The following RBFOX1 variants were observed in gnomAD, a reference collection of about 807,000 sequenced individuals.
The protein encoded by RBFOX1 is RNA binding protein fox-1 homolog 1.
Under a neutral mutation model 57.7 loss-of-function variants are expected in RBFOX1, and 8 were observed. That is an observed-to-expected ratio of 0.14 (90% CI 0.08 to 0.25). The LOEUF (loss-of-function observed/expected upper bound fraction) is 0.25. Among genes scored for constraint, RBFOX1 ranks in the 10% least tolerant of loss-of-function variants. The pLI, the probability that RBFOX1 is intolerant of heterozygous loss-of-function variation, is 1.00. For missense variants in RBFOX1, 611 were observed against 548.5 expected, an observed-to-expected ratio of 1.11 and a Z score of -1.14; for synonymous variants, 326 against 222.4, an observed-to-expected ratio of 1.47 and a Z score of -4.15.
At chr16:7,385,874 C>T (rs2097866450) in intron 4 of RBFOX1, among the ~76,000 whole-genome samples, 1 of 152,000 alleles carries the variant, frequency 6.6e-6, no homozygotes, top group South Asian at 2.1e-4. Flanking sequence ...CTGCTTCAGC[C>T]TCTGAGTAGG....
intron 3 of RBFOX1, among the ~76,000 whole-genome samples, chr16:5,747,959 G>A (rs964678149): frequency 6.6e-6 from 1 of 152,006 alleles, no homozygotes; most frequent in Non-Finnish European, 1.5e-5. Context: ...TCTTTTAATT[G>A]TGATGTTAGG....
chr16:7,457,770 G>A (rs2109443), intron 4 of RBFOX1, among the ~76,000 whole-genome samples: 49,222 of 151,562 alleles, frequency 0.32, 9,764 homozygotes, highest in Non-Finnish European at 0.44. Context: ...AGTCTGGAAG[G>A]TTCTTCTTAC....
At chr16:6,791,302 C>T (rs2154248344) in intron 3 of RBFOX1, among the ~76,000 whole-genome samples, 1 of 152,274 alleles carries the variant, frequency 6.6e-6, no homozygotes, top group African/African-American at 2.4e-5. Flanking sequence ...TTTTTTAATA[C>T]ATTCATTATA....
rs955237340 is a variant in RBFOX1 at position 7,020,218 on chromosome 16, GTTTC to G, written c.-15-31831_-15-31828del. Among the ~76,000 whole-genome samples, 12 of 151,674 alleles carry G rather than the reference GTTTC, an allele frequency of 7.9e-5. 1 individual carries two copies. Among genetic ancestry groups the G allele is most frequent in the East Asian group, 5.8e-4 (3 of 5,134 alleles). On this transcript the variant is annotated intron_variant, in intron 3 of 15. Transcript: ENST00000550418. ...TTTTCTTTTTTTTCTTTGTTTCTTT[GTTTC>G]TTTCTTTATTTCCTCTTTTTTTAGA...
chr16:6,265,011 G>A (rs575502432), intron 1 of RBFOX1, among the ~76,000 whole-genome samples: 4 of 152,162 alleles, frequency 2.6e-5, no homozygotes, highest in Admixed American at 6.5e-5. Flanking sequence ...CTCCCATGCC[G>A]CATCACCCTA....
chr16:7,179,509 A>G (rs1166664539), intron 4 of RBFOX1, among the ~76,000 whole-genome samples: 3 of 152,150 alleles, frequency 2.0e-5, no homozygotes, highest in South Asian at 4.1e-4. Context: ...CTGCAGACCA[A>G]TTAATTATGT....
intron 2 of RBFOX1, among the ~76,000 whole-genome samples, chr16:6,328,319 TG>T (rs1249488478): frequency 6.6e-6 from 1 of 152,084 alleles, no homozygotes; most frequent in Non-Finnish European, 1.5e-5. Flanking sequence ...GACTACAAAC[TG>T]GGTTCAGTGT....
At chr16:7,650,135 A>T (rs567486368) in intron 11 of RBFOX1, among the ~76,000 whole-genome samples, 1 of 152,106 alleles carries the variant, frequency 6.6e-6, no homozygotes, top group African/African-American at 2.4e-5. Flanking sequence ...GAATGTAAGA[A>T]AGAAAGGAAT....
At position 7,039,293 on chromosome 16, in the gene RBFOX1, C is replaced by T. The variant is rs550381274; in HGVS notation, c.-15-12764C>T. Among the ~76,000 whole-genome samples, 9 of 152,292 alleles carry T rather than the reference C, an allele frequency of 5.9e-5. No individual in the cohort carries two copies. In the South Asian group the frequency reaches 1.5e-3, roughly 25 times the overall value. ...AGTACTTAGCCTTGACAAGCTCTTTCGTCCGTCTCCCTTGACCCTCCAAAG... is the reference window on the plus strand; with the variant it reads ...AGTACTTAGCCTTGACAAGCTCTTTTGTCCGTCTCCCTTGACCCTCCAAAG... On this transcript the variant is annotated intron_variant, in intron 3 of 15. Transcript: ENST00000550418.
chr16:7,699,434 C>G (rs1004286776), intron 14 of RBFOX1, among the ~76,000 whole-genome samples: 1 of 152,180 alleles, frequency 6.6e-6, no homozygotes, highest in African/African-American at 2.4e-5. Context: ...TCAAGCCATC[C>G]TGCCCCTTTG....
At chr16:6,608,248 A>G (rs1339957525) in intron 2 of RBFOX1, among the ~76,000 whole-genome samples, 2 of 152,282 alleles carry the variant, frequency 1.3e-5, no homozygotes, top group Admixed American at 1.3e-4. Flanking sequence ...TGTTATAATC[A>G]TTAATAGATA....
In RBFOX1 at chr16:5,491,207, G is replaced by A. The variant is rs138059527; in HGVS notation, c.258+23953G>A. Among the ~76,000 whole-genome samples, 662 of 152,232 alleles carry A rather than the reference G, an allele frequency of 4.3e-3. 3 individuals carry two copies. Among genetic ancestry groups the A allele is most frequent in the African/African-American group, 0.015 (623 of 41,534 alleles). ...AGCAATCAACGCAAGAGTACAGCTG[G>A]ATGAATTGTCACAGTGTGAACACAT... On this transcript the variant is annotated intron_variant, in intron 2 of 2. Coordinates refer to the RBFOX1 transcript ENST00000585867.
At chr16:6,854,296 C>T (rs1603632611) in intron 3 of RBFOX1, among the ~76,000 whole-genome samples, 1 of 151,952 alleles carries the variant, frequency 6.6e-6, no homozygotes, top group African/African-American at 2.4e-5. Flanking sequence ...GATGGAGGAT[C>T]AATATGACTG....
chr16:7,025,183 C>G (rs1290420203), intron 3 of RBFOX1, among the ~76,000 whole-genome samples: 1 of 152,146 alleles, frequency 6.6e-6, no homozygotes, highest in South Asian at 2.1e-4. Context: ...ATGGTTATTT[C>G]TTGATGATAT....
At chr16:5,365,796 A>C (rs753199561) in intron 1 of RBFOX1, 1 of 512,750 alleles carries the variant, frequency 2.0e-6, no homozygotes, top group South Asian at 1.4e-5. Flanking sequence ...CTGCCACCCA[A>C]TGGAAGATTC....
At chr16:6,886,743 A>G (rs1251441551) in intron 3 of RBFOX1, among the ~76,000 whole-genome samples, 1 of 143,402 alleles carries the variant, frequency 7.0e-6, no homozygotes, top group Non-Finnish European at 1.5e-5. Flanking sequence ...CAAGCAAGTG[A>G]GACTCTATCT....
chr16:7,360,834 G>A (rs990235125), intron 4 of RBFOX1, among the ~76,000 whole-genome samples: 24 of 152,112 alleles, frequency 1.6e-4, no homozygotes, highest in African/African-American at 5.8e-4. Context: ...GTACATTCCA[G>A]CCCTGCCTCC....
chr16:6,721,691 T>C (rs1404603709), intron 3 of RBFOX1: 1 of 152,190 alleles, frequency 6.6e-6, no homozygotes, highest in African/African-American at 2.4e-5. Context: ...ACACAGCGTT[T>C]GTCTTTTTGT....
intron 3 of RBFOX1, among the ~76,000 whole-genome samples, chr16:7,011,721 A>T (rs2093662701): frequency 6.6e-6 from 1 of 152,052 alleles, no homozygotes; most frequent in South Asian, 2.1e-4. Context: ...TCACCATGTT[A>T]GTCAGGATGG....
Sources: allele counts gnomAD v4.1 joint callset (sites outside exome capture counted in the v4.1 genomes callset), GRCh38; gene constraint gnomAD v4.1.1; transcripts MANE v1.5; gene names NCBI Gene and HGNC (gene_info 2026-07-23, HGNC 2026-07-21).